LRRC8E: variants seen among roughly 807,000 people sequenced by gnomAD.
LRRC8E encodes leucine rich repeat containing 8 VRAC subunit E.
Under a neutral mutation model 6.1 loss-of-function variants are expected in LRRC8E, and 6 were observed. The observed-to-expected ratio is 0.98, with a 90% CI of 0.54 to 1.93. The LOEUF (loss-of-function observed/expected upper bound fraction) is 1.93. Ranked by LOEUF, LRRC8E falls within the 30% of genes most tolerant of loss-of-function variation. The pLI, the probability that LRRC8E is intolerant of heterozygous loss-of-function variation, is 0.01. For missense variants in LRRC8E, 1,028 were observed against 1,031.4 expected (o/e 1.00, Z 0.04); for synonymous variants, 485 against 472.8 (o/e 1.03, Z -0.33).
chr19:7,889,581 A>G (rs1278860900), intron 1 of LRRC8E, among the ~76,000 whole-genome samples: 1 of 150,524 alleles, frequency 6.6e-6, no homozygotes, highest in African/African-American at 2.4e-5. Flanking sequence ...CATCTCTACA[A>G]AAAATCTAAA....
chr19:7,896,670 T>G (rs1981614383), intron 2 of LRRC8E, among the ~76,000 whole-genome samples: 1 of 152,282 alleles, frequency 6.6e-6, no homozygotes, highest in Admixed American at 6.5e-5. Context: ...CACAGCTCAC[T>G]GCAGCCTTGA....
chr19:7,892,917 C>T (rs1437608112), intron 1 of LRRC8E, among the ~76,000 whole-genome samples: 2 of 152,154 alleles, frequency 1.3e-5, no homozygotes, highest in East Asian at 3.9e-4. Flanking sequence ...CTCCGCCTCC[C>T]GGGTTCAAGG....
chr19:7,897,258 C>A (rs1040782327), intron 2 of LRRC8E, among the ~76,000 whole-genome samples: 6 of 152,068 alleles, frequency 3.9e-5, no homozygotes, highest in East Asian at 1.9e-4. Flanking sequence ...CAACCTCCGC[C>A]TCCCGGGTTC....
At position 7,901,242 on chromosome 19, in the gene LRRC8E, C is replaced by T. The variant is rs189072352; in HGVS notation, c.*329C>T. ...TGCTGCCTCTCCCTGGATATTCCAG[C>T]TCAATTAGTGCCACATATGGGGGAA... On this transcript the variant is annotated 3_prime_UTR_variant, in exon 3 of 3. Transcript: ENST00000306708. 2.4e-3 allele frequency: 533 copies of T among 221,028 alleles called. 1 individual carries two copies. Among genetic ancestry groups the T allele is most frequent in the African/African-American group, 0.012 (521 of 43,816 alleles). 13.7% of individuals were successfully genotyped at this position (221,028 alleles called of 1,614,324 possible).
Position 7,895,549 on chromosome 19 carries a change from C to T in LRRC8E, c.-5-50C>T. Reference sequence around the variant, plus strand: ...CCTCGGAGGACCCCCTGCAGAGCCTCCCATCCTGAGGGTCTCTCTCTACAC... The same window carrying T: ...CCTCGGAGGACCCCCTGCAGAGCCTTCCATCCTGAGGGTCTCTCTCTACAC... On this transcript the variant is annotated intron_variant, in intron 1 of 2. Coordinates refer to ENST00000306708, the MANE Select transcript of LRRC8E (RefSeq NM_025061.6). The surrounding 1 kb of genome is among the most constrained non-coding windows in gnomAD (Gnocchi z 4.7). The T allele has an allele frequency of 6.3e-7, 1 of 1,589,666 alleles. No homozygotes were observed. Among genetic ancestry groups the T allele is most frequent in the Non-Finnish European group, 8.6e-7 (1 of 1,160,662 alleles).
At chr19:7,896,296 G>A (rs1002371792) in intron 2 of LRRC8E, among the ~76,000 whole-genome samples, 12 of 149,718 alleles carry the variant, frequency 8.0e-5, no homozygotes, top group East Asian at 2.0e-4. Context: ...GACAGGGGCC[G>A]GGCATGGTGG....
chr19:7,900,585 T>A lies in LRRC8E; in HGVS notation c.2063T>A (p.Leu688Gln). Residue 688 changes from leucine to glutamine, a missense_variant, in exon 3 of 3, where the codon CTA becomes CAA. Leu to Gln is a moderately radical substitution (Grantham distance 113). Transcript: ENST00000306708. This position sits in a 1 kb window ranked among gnomAD's most constrained non-coding sequence, Gnocchi z 5.0. ...LRLLDVSHNG[L>Q]HSLPPEVGLL... is the part of the protein sequence containing the mutation. ...CTGCTGGATGTGTCCCACAATGGGC[T>A]ACACTCCCTGCCACCCGAGGTGGGC... 1.2e-6 allele frequency: 2 copies of A among 1,613,270 alleles called. No individual in the cohort carries two copies. Among genetic ancestry groups the A allele is most frequent in the Non-Finnish European group, 8.5e-7 (1 of 1,180,032 alleles).
chr19:7,890,649 C>T (rs1273975391), intron 1 of LRRC8E, among the ~76,000 whole-genome samples: 2 of 151,838 alleles, frequency 1.3e-5, no homozygotes, highest in Non-Finnish European at 2.9e-5. Context: ...ATTAGCCGGG[C>T]GAGGTGGCGG....
chr19:7,893,056 G>C (rs1036618498), intron 1 of LRRC8E, among the ~76,000 whole-genome samples: 2 of 152,138 alleles, frequency 1.3e-5, no homozygotes, highest in African/African-American at 4.8e-5. Context: ...GTCTGGGCTA[G>C]AGTGCAGTGG....
chr19:7,889,742 C>A (rs1981205646), intron 1 of LRRC8E, among the ~76,000 whole-genome samples: 1 of 95,902 alleles, frequency 1.0e-5, no homozygotes, highest in South Asian at 3.1e-4. Flanking sequence ...GACTCTATCT[C>A]TCTCTCTCTC....
chr19:7,899,575 T>A lies in LRRC8E; in HGVS notation c.1053T>A (p.Thr351=). The change falls in exon 3 of 3, where the codon ACT becomes ACA. Residue 351 remains threonine, a synonymous_variant. Transcript: ENST00000306708. ...CCTTCCGTTCCGTGCGGGAGGAGAC[T>A]GGCATGGGGGACATTCCTGACGTCA... ...EYSFRSVREE[T]GMGDIPDVKN... 6.2e-7 allele frequency: 1 copy of A among 1,613,876 alleles called. No individual in the cohort carries two copies. Among genetic ancestry groups the A allele is most frequent in the South Asian group, 1.1e-5 (1 of 91,086 alleles).
chr19:7,889,062 C>G (rs545566524), intron 1 of LRRC8E, among the ~76,000 whole-genome samples: 2 of 152,090 alleles, frequency 1.3e-5, no homozygotes, highest in Non-Finnish European at 2.9e-5. Context: ...GAAAACCACT[C>G]GGCTGGGAAT....
chr19:7,894,289 G>A (rs543374934), intron 1 of LRRC8E, among the ~76,000 whole-genome samples: 79 of 152,226 alleles, frequency 5.2e-4, no homozygotes, highest in African/African-American at 1.9e-3. Context: ...GCAGTGGCAC[G>A]GTCTCACTTC....
Position 7,901,867 on chromosome 19 carries a change from T to C in LRRC8E, c.*954T>C, listed in dbSNP as rs575428230. Reference sequence around the variant, plus strand: ...AAAGCTCTTCAGGCAGCTGATAGATTTCCCCCAGAGAGCTATTCAAGGACT... The same window carrying C: ...AAAGCTCTTCAGGCAGCTGATAGATCTCCCCCAGAGAGCTATTCAAGGACT... On this transcript the variant is annotated 3_prime_UTR_variant, in exon 3 of 3. Coordinates refer to ENST00000306708, the MANE Select transcript of LRRC8E (RefSeq NM_025061.6). 2 of 152,274 alleles carry C rather than the reference T, an allele frequency of 1.3e-5. No homozygotes were observed. Among genetic ancestry groups the C allele is most frequent in the African/African-American group, 4.8e-5 (2 of 41,550 alleles). The allele number at this position is 152,274 out of a possible 1,614,324, so 9.4% of individuals were successfully genotyped here.
In LRRC8E at chr19:7,900,378, C is replaced by T. The variant is rs1206293987; in HGVS notation, c.1856C>T (p.Ser619Phe). 1.9e-6 allele frequency: 3 copies of T among 1,612,778 alleles called. No homozygotes were observed. Among genetic ancestry groups the T allele is most frequent in the African/African-American group, 1.3e-5 (1 of 74,934 alleles). Reference protein sequence around the residue: ...ELDLKDNHLRSIEEILSFQHC... With the variant: ...ELDLKDNHLRFIEEILSFQHC... The stretch of plus-strand genomic sequence containing the variant: ...GACCTCAAGGACAACCACCTGCGCT[C>T]CATCGAGGAAATCCTCAGCTTCCAG... Residue 619 changes from serine (S) to phenylalanine (F), a missense_variant, in exon 3 of 3, where the codon TCC (serine) becomes TTC (phenylalanine). Ser to Phe is a radical substitution (Grantham distance 155). Transcript: ENST00000306708. The surrounding 1 kb of genome is among the most constrained non-coding windows in gnomAD (Gnocchi z 5.0).
intron 1 of LRRC8E, among the ~76,000 whole-genome samples, chr19:7,889,786 T>C (rs1856064901): frequency 6.7e-6 from 1 of 150,276 alleles, no homozygotes; most frequent in South Asian, 2.1e-4. Flanking sequence ...AGTCTTGCTC[T>C]GTTGCCAGGC....
At chr19:7,891,547 T>G (rs4804830) in intron 1 of LRRC8E, among the ~76,000 whole-genome samples, 9,334 of 91,438 alleles carry the variant, frequency 0.1, 387 homozygotes, top group Non-Finnish European at 0.12. Context: ...GTGTGTGTGT[T>G]TGTGTGTGTG....
At chr19:7,890,228 A>C (rs1443279984) in intron 1 of LRRC8E, among the ~76,000 whole-genome samples, 1 of 151,942 alleles carries the variant, frequency 6.6e-6, no homozygotes, top group Admixed American at 6.6e-5. Context: ...TTTGGAGGCA[A>C]GTGGCTTGAG....
chr19:7,892,528 A>G (rs1435916865), intron 1 of LRRC8E, among the ~76,000 whole-genome samples: 1 of 152,090 alleles, frequency 6.6e-6, no homozygotes. Context: ...ATTCTTAGGT[A>G]AAGCAACTGA....
Sources: gnomAD v4.1 joint callset for allele counts (sites outside exome capture counted in the v4.1 genomes callset) on GRCh38, gnomAD v4.1.1 for gene constraint, Gnocchi (gnomAD v3.1) non-coding constraint, MANE v1.5 for transcripts, NCBI Gene and HGNC (gene_info 2026-07-23, HGNC 2026-07-21) for gene names.